ITGBL1: variants seen among roughly 807,000 people sequenced by gnomAD.
The protein encoded by ITGBL1 is integrin beta-like protein 1.
A neutral mutation model predicts 68.5 loss-of-function variants in ITGBL1; 51 were observed. The observed-to-expected ratio is 0.74, with a 90% CI of 0.59 to 0.94. The LOEUF (loss-of-function observed/expected upper bound fraction) is 0.94, where lower values mean the gene tolerates loss of function less well. Ranked by LOEUF, ITGBL1 falls within the 40% of genes least tolerant of loss-of-function variation. The pLI is 0.00. For missense variants in ITGBL1, 649 were observed against 647.4 expected (o/e 1.00, Z -0.03); for synonymous variants, 209 against 227.3 (o/e 0.92, Z 0.72).
At chr13:101,607,899 C>A (rs1350642035) in intron 7 of ITGBL1, among the ~76,000 whole-genome samples, 1 of 152,176 alleles carries the variant, frequency 6.6e-6, no homozygotes, top group South Asian at 2.1e-4. Flanking sequence ...TATTTGCCTT[C>A]TTTGATCATC....
intron 9 of ITGBL1, among the ~76,000 whole-genome samples, chr13:101,707,746 G>T (rs2034293939): frequency 6.6e-6 from 1 of 151,482 alleles, no homozygotes; most frequent in East Asian, 1.9e-4. Context: ...ACAGTTACTT[G>T]AGAGGCTGGG....
intron 2 of ITGBL1, among the ~76,000 whole-genome samples, chr13:101,480,772 T>C (rs1205927643): frequency 6.6e-6 from 1 of 152,080 alleles, no homozygotes; most frequent in Non-Finnish European, 1.5e-5. Flanking sequence ...ATTAGAGAAG[T>C]ACAAAGTGCT....
At chr13:101,705,114 T>G (rs1190772953) in intron 8 of ITGBL1, among the ~76,000 whole-genome samples, 1 of 151,908 alleles carries the variant, frequency 6.6e-6, no homozygotes, top group Non-Finnish European at 1.5e-5. Flanking sequence ...ATGTCAGACA[T>G]TCCTAGTATC....
chr13:101,710,707 A>G (rs1237943458), intron 9 of ITGBL1: 5 of 152,286 alleles, frequency 3.3e-5, no homozygotes, highest in Middle Eastern at 3.4e-3. Flanking sequence ...AGCAGTGGGC[A>G]TGAGATCGCC....
intron 7 of ITGBL1, among the ~76,000 whole-genome samples, chr13:101,611,049 G>C (rs963922843): frequency 2.2e-4 from 33 of 152,256 alleles, no homozygotes; most frequent in African/African-American, 6.7e-4. Context: ...CACTTGTGAT[G>C]ATTTAGAAAA....
intron 7 of ITGBL1, among the ~76,000 whole-genome samples, chr13:101,665,307 TTAA>T (rs1421991333): frequency 1.4e-4 from 21 of 152,232 alleles, no homozygotes; most frequent in Middle Eastern, 3.4e-3. Flanking sequence ...TTTAATTCAC[TTAA>T]TAATTTGTAG....
intron 8 of ITGBL1, among the ~76,000 whole-genome samples, chr13:101,702,204 C>T (rs916001863): frequency 6.6e-6 from 1 of 151,984 alleles, no homozygotes; most frequent in African/African-American, 2.4e-5. Flanking sequence ...AAGATATAAT[C>T]ATCTCTCTCT....
intron 2 of ITGBL1, among the ~76,000 whole-genome samples, chr13:101,530,919 T>C (rs576529134): frequency 6.6e-6 from 1 of 152,280 alleles, no homozygotes; most frequent in Middle Eastern, 3.4e-3. Flanking sequence ...TAGTGTCTGG[T>C]TGGGTCTAGA....
chr13:101,628,059 C>T (rs1485473348), intron 7 of ITGBL1, among the ~76,000 whole-genome samples: 2 of 152,156 alleles, frequency 1.3e-5, no homozygotes, highest in Non-Finnish European at 2.9e-5. Flanking sequence ...TGCATTCCCA[C>T]CAGCAATGAA....
chr13:101,489,788 G>T (rs937168974), intron 2 of ITGBL1, among the ~76,000 whole-genome samples: 2 of 152,074 alleles, frequency 1.3e-5, no homozygotes, highest in African/African-American at 4.8e-5. Context: ...TTGGGATGAG[G>T]TCATTGATAT....
At chr13:101,543,070 A>G (rs1304001886) in intron 2 of ITGBL1, among the ~76,000 whole-genome samples, 1 of 152,142 alleles carries the variant, frequency 6.6e-6, no homozygotes, top group Non-Finnish European at 1.5e-5. Flanking sequence ...TAAGGTTAAT[A>G]TTGTTATGTG....
At chr13:101,460,434 A>G (rs2048302670) in intron 2 of ITGBL1, among the ~76,000 whole-genome samples, 1 of 152,196 alleles carries the variant, frequency 6.6e-6, no homozygotes, top group South Asian at 2.1e-4. Flanking sequence ...CGGGAGCTCT[A>G]CTTTCTTACA....
intron 8 of ITGBL1, among the ~76,000 whole-genome samples, chr13:101,693,194 GT>G (rs2033922567): frequency 6.6e-6 from 1 of 152,138 alleles, no homozygotes; most frequent in Non-Finnish European, 1.5e-5. Flanking sequence ...CAGATAGAAG[GT>G]AGTGAGCAGA....
intron 6 of ITGBL1, among the ~76,000 whole-genome samples, chr13:101,590,696 A>T (rs1160121100): frequency 6.6e-6 from 1 of 152,046 alleles, no homozygotes; most frequent in African/African-American, 2.4e-5. Context: ...GTTTCCTCAC[A>T]ACAGATCTGT....
intron 7 of ITGBL1, among the ~76,000 whole-genome samples, chr13:101,606,864 C>A (rs546524589): frequency 1.3e-5 from 2 of 151,938 alleles, no homozygotes; most frequent in Non-Finnish European, 2.9e-5. Flanking sequence ...GCAGGAGAAT[C>A]CCTGACTGAT....
chr13:101,690,113 G>T (rs1172706675), intron 7 of ITGBL1, among the ~76,000 whole-genome samples: 3 of 152,122 alleles, frequency 2.0e-5, no homozygotes, highest in African/African-American at 7.2e-5. Flanking sequence ...GGTGAAAAAA[G>T]AATTGGAAAT....
At chr13:101,617,505 C>A (rs545352929) in intron 7 of ITGBL1, among the ~76,000 whole-genome samples, 1 of 152,020 alleles carries the variant, frequency 6.6e-6, no homozygotes, top group Non-Finnish European at 1.5e-5. Context: ...TGAGTACAAC[C>A]TGGCATCCTA....
intron 7 of ITGBL1, among the ~76,000 whole-genome samples, chr13:101,672,955 C>T (rs1003007523): frequency 6.6e-5 from 10 of 152,130 alleles, no homozygotes; most frequent in East Asian, 1.9e-4. Flanking sequence ...TTTCTAAACC[C>T]GCGTAGAATG....
chr13:101,672,532 C>A (rs988856999), intron 7 of ITGBL1, among the ~76,000 whole-genome samples: 11 of 152,102 alleles, frequency 7.2e-5, no homozygotes, highest in Non-Finnish European at 1.2e-4. Context: ...TGGTTCTGGC[C>A]AAGTGGAAAG....
Sources: gnomAD v4.1 joint callset for allele counts (sites outside exome capture counted in the v4.1 genomes callset) on GRCh38, gnomAD v4.1.1 for gene constraint, MANE v1.5 for transcripts, NCBI Gene and HGNC (gene_info 2026-07-23, HGNC 2026-07-21) for gene names.